The following PDE1C variants were observed in gnomAD, a reference collection of about 807,000 sequenced individuals.
PDE1C encodes phosphodiesterase 1C, also known as dual specificity calcium/calmodulin-dependent 3',5'-cyclic nucleotide phosphodiesterase 1C.
A neutral mutation model predicts 93.1 loss-of-function variants in PDE1C; 62 were observed. That is an observed-to-expected ratio of 0.67 (90% CI 0.54 to 0.82). The LOEUF (loss-of-function observed/expected upper bound fraction) is 0.82. PDE1C is among the 40% of genes least tolerant of loss of function. PDE1C has a pLI of 0.00. For synonymous variants in PDE1C, 325 were observed against 310.1 expected, an observed-to-expected ratio of 1.05 and a Z score of -0.50; for missense variants, 742 against 884.6, an observed-to-expected ratio of 0.84 and a Z score of 2.04.
chr7:32,190,068 C>T (rs1804136389), intron 2 of PDE1C, among the ~76,000 whole-genome samples: 1 of 152,224 alleles, frequency 6.6e-6, no homozygotes, highest in South Asian at 2.1e-4. Flanking sequence ...ACCCAACTGG[C>T]TTCACATCTT....
chr7:32,180,401 CT>C (rs1803311917), intron 2 of PDE1C, among the ~76,000 whole-genome samples: 1 of 152,130 alleles, frequency 6.6e-6, no homozygotes, highest in Non-Finnish European at 1.5e-5. Context: ...TTAGATTAAC[CT>C]GTTTTCCTAA....
chr7:32,202,440 C>G (rs1297319498), intron 2 of PDE1C, among the ~76,000 whole-genome samples: 2 of 152,212 alleles, frequency 1.3e-5, no homozygotes, highest in Non-Finnish European at 2.9e-5. Flanking sequence ...GACCCCATGA[C>G]AGGGATGTCA....
chr7:32,089,803 C>T (rs58700810), intron 3 of PDE1C, among the ~76,000 whole-genome samples: 1,888 of 152,208 alleles, frequency 0.012, 41 homozygotes, highest in African/African-American at 0.044. Context: ...AGTCAGGGAC[C>T]CCAGATAAGA....
chr7:32,076,575 G>A (rs984821249), intron 3 of PDE1C, among the ~76,000 whole-genome samples: 7 of 150,994 alleles, frequency 4.6e-5, no homozygotes, highest in South Asian at 2.1e-4. Flanking sequence ...CCTGGGAGGC[G>A]GAGGTTGCAG....
chr7:32,123,934 G>A lies in PDE1C; in HGVS notation c.308+45851C>T, dbSNP rs577689877. Among the ~76,000 whole-genome samples, 100 of 152,176 alleles carry A rather than the reference G, an allele frequency of 6.6e-4. 1 individual carries two copies. The highest frequency in any genetic ancestry group is 2.0e-3 in the African/African-American group (81 of 41,532). On this transcript the variant is annotated intron_variant, in intron 3 of 18. Transcript: ENST00000396193. ...TCAAATTGTGTCTGTTTGTGATGAC[G>A]TGATTCTATATTTAGAAAACCCCAC...
At chr7:32,331,398 T>C (rs895548580) in intron 1 of PDE1C, among the ~76,000 whole-genome samples, 13 of 152,162 alleles carry the variant, frequency 8.5e-5, no homozygotes, top group Admixed American at 7.2e-4. Context: ...AAGACAGACA[T>C]GCAAAAAAGA....
chr7:32,070,925 C>G (rs1306266496), upstream of PDE1C: 1 of 985,346 alleles, frequency 1.0e-6, no homozygotes, highest in Non-Finnish European at 1.2e-6. Context: ...CCCAGCGCCC[C>G]GCTCACTCCC....
At chr7:31,671,178 T>C in the PDE1C span, among the ~76,000 whole-genome samples, 1 of 152,146 alleles carries the variant, frequency 6.6e-6, no homozygotes, top group Non-Finnish European at 1.5e-5. Context: ...CACTGAGCTG[T>C]TAACACTTAA....
At chr7:31,652,975 G>C in the PDE1C span, 1 of 1,447,590 alleles carries the variant, frequency 6.9e-7, no homozygotes, top group Non-Finnish European at 9.1e-7. Flanking sequence ...TTAAACCCAA[G>C]AGGAGTTTAG....
intron 1 of PDE1C, among the ~76,000 whole-genome samples, chr7:32,394,414 G>A (rs945499655): frequency 6.6e-5 from 10 of 152,228 alleles, no homozygotes; most frequent in African/African-American, 1.7e-4. Context: ...CTACTAGAAG[G>A]TGTTTGGGTG....
intron 4 of PDE1C, 67 bp downstream of exon 4, chr7:31,878,929 T>C: frequency 6.8e-7 from 1 of 1,460,794 alleles, no homozygotes; most frequent in Non-Finnish European, 9.5e-7. Flanking sequence ...AAGCAAAGCT[T>C]CCAGTTATTG....
chr7:32,307,532 T>C (rs897218463), intron 1 of PDE1C, among the ~76,000 whole-genome samples: 14 of 152,126 alleles, frequency 9.2e-5, no homozygotes, highest in Admixed American at 3.9e-4. Context: ...TAAACACAGA[T>C]ACTTTGAAAC....
intron 9 of PDE1C, among the ~76,000 whole-genome samples, chr7:31,841,318 A>T (rs1391586057): frequency 6.6e-6 from 1 of 151,520 alleles, no homozygotes; most frequent in Non-Finnish European, 1.5e-5. Context: ...ACCTTGCAAA[A>T]TTCATTATCG....
chr7:32,377,845 C>A (rs188778138), intron 1 of PDE1C, among the ~76,000 whole-genome samples: 2 of 152,124 alleles, frequency 1.3e-5, no homozygotes, highest in East Asian at 1.9e-4. Context: ...GCAAACCAAG[C>A]GGCCCCAGAG....
At chr7:31,920,132 G>A (rs912996900) in intron 2 of PDE1C, among the ~76,000 whole-genome samples, 11 of 152,142 alleles carry the variant, frequency 7.2e-5, no homozygotes, top group African/African-American at 2.7e-4. Flanking sequence ...AAGGGCTAGG[G>A]TTGGCAGCCT....
intron 1 of PDE1C, among the ~76,000 whole-genome samples, chr7:32,275,906 G>A (rs57219510): frequency 0.013 from 2,001 of 152,282 alleles, 52 homozygotes; most frequent in African/African-American, 0.046. Flanking sequence ...TTAACAGGAT[G>A]ACATAATACA....
intron 14 of PDE1C, among the ~76,000 whole-genome samples, chr7:31,822,084 G>T (rs1425733959): frequency 6.6e-6 from 1 of 152,102 alleles, no homozygotes; most frequent in African/African-American, 2.4e-5. Flanking sequence ...ATGAAATTCT[G>T]TAGTAATGTC....
At chr7:31,655,398 G>C in the PDE1C span, among the ~76,000 whole-genome samples, 1 of 152,158 alleles carries the variant, frequency 6.6e-6, no homozygotes, top group Admixed American at 6.6e-5. Flanking sequence ...GTGCAACATA[G>C]GTGCTTCCTA....
chr7:31,930,431 C>T lies in PDE1C; in HGVS notation c.129-49571G>A, dbSNP rs577671449. On this transcript the variant is annotated intron_variant, in intron 2 of 17. Transcript: ENST00000396191. ...TTATAAGGCCAGCATCATCCTGATA[C>T]CAAAACCTGGCAGAGACACAACAAA... Among the ~76,000 whole-genome samples the T allele has an allele frequency of 3.3e-5, 5 of 152,262 alleles. No homozygotes were observed. The South Asian group carries it at 1.0e-3, about 32-fold the overall frequency.
Sources: allele counts gnomAD v4.1 joint callset (sites outside exome capture counted in the v4.1 genomes callset), GRCh38; gene constraint gnomAD v4.1.1; transcripts MANE v1.5; gene names NCBI Gene and HGNC (gene_info 2026-07-23, HGNC 2026-07-21).